Variants in POLI observed in about 807,000 individuals in gnomAD.
POLI encodes RAD30 homolog B.
A neutral mutation model predicts 51.6 loss-of-function variants in POLI; 58 were observed. That is an observed-to-expected ratio of 1.12 (90% CI 0.91 to 1.40). The LOEUF is 1.40. Ranked by LOEUF, POLI falls within the 40% of genes most tolerant of loss-of-function variation. The probability of loss-of-function intolerance (pLI) is 0.00; values close to 1 mark genes in which losing one functional copy is unlikely to be tolerated. For synonymous variants in POLI, 322 were observed against 299.7 expected (o/e 1.07, Z -0.77); for missense variants, 921 against 871.3 (o/e 1.06, Z -0.72).
At chr18:54,283,877 A>G in intron 6 of POLI, 45 bp from the exon 7 acceptor site, 1 of 689,200 alleles carries the variant, frequency 1.5e-6, no homozygotes, top group South Asian at 1.9e-5. Context: ...AATTAGATAT[A>G]GTTATTTGAG....
upstream of POLI, chr18:54,269,481 T>C (rs2086896357): frequency 6.7e-7 from 1 of 1,483,398 alleles, no homozygotes; most frequent in Non-Finnish European, 8.9e-7. Context: ...GAGACTGTAG[T>C]CCCCCGGTTT....
At chr18:54,310,907 A>G (rs138804181) in intron 3 of POLI, among the ~76,000 whole-genome samples, 47 of 152,258 alleles carry the variant, frequency 3.1e-4, no homozygotes, top group African/African-American at 1.1e-3. Context: ...TACAGAATCA[A>G]CCACCAGATA....
chr18:54,273,307 T>G (rs1278940648), intron 2 of POLI, among the ~76,000 whole-genome samples: 1 of 151,634 alleles, frequency 6.6e-6, no homozygotes, highest in Admixed American at 6.6e-5. Context: ...TATTGCTTTA[T>G]ATTAGCAAGT....
chr18:54,275,512 A>G (rs746130810), intron 3 of POLI, among the ~76,000 whole-genome samples: 4 of 152,206 alleles, frequency 2.6e-5, no homozygotes, highest in Non-Finnish European at 4.4e-5. Context: ...GTGCAATACT[A>G]TTTGACTGAT....
chr18:54,271,615 T>A, intron 2 of POLI, 130 bp downstream of exon 2: 1 of 595,238 alleles, frequency 1.7e-6, no homozygotes, highest in Admixed American at 3.5e-5. Context: ...GCTTTATAGC[T>A]GGTCATTTTT....
At chr18:54,281,036 A>G (rs2087478155) in intron 5 of POLI, 133 bp downstream of exon 5, 23 of 477,706 alleles carry the variant, frequency 4.8e-5, no homozygotes, top group Middle Eastern at 5.6e-4. Context: ...GTGTGTGTGT[A>G]TACTTGGTTC....
chr18:54,297,391 C>G lies in POLI; in HGVS notation c.*2924C>G. 1.0e-6 allele frequency: 1 copy of G among 982,464 alleles called. No homozygotes were observed. The highest frequency in any genetic ancestry group is 1.2e-6 in the Non-Finnish European group (1 of 828,632). The allele number at this position is 982,464 out of a possible 1,614,324, so 60.9% of individuals were successfully genotyped here. A position where few individuals can be genotyped will look rare whatever the true frequency, so the allele number is the denominator to read the frequency against. On this transcript the variant is annotated 3_prime_UTR_variant, in exon 10 of 10. Coordinates refer to ENST00000579534, the MANE Select transcript of POLI (RefSeq NM_007195.3). ...TGTATAGTGTAGAGGGGGTTTCTGT[C>G]TTGAGTGTAGGCCTGGAGATTTCCC...
At chr18:54,292,890 G>A (rs537344529) in intron 9 of POLI, among the ~76,000 whole-genome samples, 6 of 152,064 alleles carry the variant, frequency 3.9e-5, no homozygotes, top group East Asian at 3.9e-4. Flanking sequence ...GGAATTAAAA[G>A]TGCTCATTTA....
At chr18:54,269,776 T>A in intron 1 of POLI, 115 bp downstream of exon 1, 1 of 1,390,644 alleles carries the variant, frequency 7.2e-7, no homozygotes, top group Non-Finnish European at 9.2e-7. Flanking sequence ...CCCACTCGGC[T>A]CCTCTAAGAG....
At chr18:54,321,011 C>A (rs113881479) in intron 4 of POLI, 84 of 152,240 alleles carry the variant, frequency 5.5e-4, no homozygotes, top group African/African-American at 1.9e-3. Flanking sequence ...ACCAGTTTTA[C>A]ATGCACTCAT....
At chr18:54,275,272 G>A (rs948573850) in intron 3 of POLI, among the ~76,000 whole-genome samples, 1 of 152,156 alleles carries the variant, frequency 6.6e-6, no homozygotes, top group African/African-American at 2.4e-5. Flanking sequence ...TGTGAGCCGT[G>A]ATTGTGTCAT....
intron 3 of POLI, chr18:54,320,246 C>T (rs1384729132): frequency 9.2e-5 from 14 of 152,130 alleles, no homozygotes; most frequent in Non-Finnish European, 2.1e-4. Context: ...CAGCTTCTCC[C>T]CCACTGTGCC....
intron 1 of POLI, chr18:54,270,775 CAG>C (rs2086970523): frequency 6.6e-6 from 1 of 152,182 alleles, no homozygotes; most frequent in Admixed American, 6.5e-5. Context: ...AAGAACTATT[CAG>C]TCTTTCAATT....
At chr18:54,316,382 A>G (rs566314829) in intron 3 of POLI, among the ~76,000 whole-genome samples, 1 of 152,324 alleles carries the variant, frequency 6.6e-6, no homozygotes, top group Admixed American at 6.5e-5. Context: ...ATCAGAGTCT[A>G]AATTTGTGAT....
intron 3 of POLI, among the ~76,000 whole-genome samples, chr18:54,277,267 A>G (rs568905307): frequency 5.9e-5 from 9 of 152,310 alleles, no homozygotes; most frequent in African/African-American, 1.9e-4. Flanking sequence ...TTTAAATATT[A>G]TTTTGTTTTG....
At position 54,269,772 on chromosome 18, in the gene POLI, C is replaced by A. The variant is rs564763996; in HGVS notation, c.115+111C>A. On this transcript the variant is annotated intron_variant, in intron 1 of 9. Coordinates refer to ENST00000579534, the MANE Select transcript of POLI (RefSeq NM_007195.3). ...GGGGCGCGACCGTCCCCGCCCCACT[C>A]GGCTCCTCTAAGAGAGGGCTGCCTC... 5.8e-6 allele frequency: 8 copies of A among 1,390,398 alleles called. No individual in the cohort carries two copies. In the East Asian group the frequency reaches 1.8e-4, roughly 31 times the overall value. The allele number at this position is 1,390,398 out of a possible 1,614,324, so 86.1% of individuals were successfully genotyped here.
downstream of POLI, among the ~76,000 whole-genome samples, chr18:54,300,633 A>G (rs2088474298): frequency 6.6e-6 from 1 of 152,178 alleles, no homozygotes; most frequent in Non-Finnish European, 1.5e-5. Flanking sequence ...CATGTTAAAT[A>G]TAAATGATCT....
At chr18:54,310,559 T>A (rs2088657050) in intron 3 of POLI, among the ~76,000 whole-genome samples, 1 of 152,020 alleles carries the variant, frequency 6.6e-6, no homozygotes, top group African/African-American at 2.4e-5. Context: ...ATGTTAACAA[T>A]TTTAGTTCAC....
chr18:54,315,801 A>G (rs573103615), intron 3 of POLI, among the ~76,000 whole-genome samples: 1 of 152,090 alleles, frequency 6.6e-6, no homozygotes, highest in Non-Finnish European at 1.5e-5. Flanking sequence ...TTCCATTTGC[A>G]TGATGGATCT....
Sources: gnomAD v4.1 joint callset for allele counts (sites outside exome capture counted in the v4.1 genomes callset) on GRCh38, gnomAD v4.1.1 for gene constraint, MANE v1.5 for transcripts, NCBI Gene and HGNC (gene_info 2026-07-23, HGNC 2026-07-21) for gene names.